The following TECTA variants were observed in gnomAD, a reference collection of about 807,000 sequenced individuals.
TECTA encodes the protein alpha-tectorin.
A neutral mutation model predicts 216.8 loss-of-function variants in TECTA; 128 were observed. The observed-to-expected ratio is 0.59, with a 90% CI of 0.51 to 0.68. The LOEUF (loss-of-function observed/expected upper bound fraction) is 0.68, where lower values mean the gene tolerates loss of function less well. Ranked by LOEUF, TECTA falls within the 30% of genes least tolerant of loss-of-function variation. The probability of loss-of-function intolerance (pLI) is 0.00; values close to 1 mark genes in which losing one functional copy is unlikely to be tolerated. For synonymous variants in TECTA, 1,089 were observed against 1,117.1 expected (o/e 0.97, Z 0.50); for missense variants, 2,551 against 2,786.2 (o/e 0.92, Z 1.90).
intron 15 of TECTA, among the ~76,000 whole-genome samples, chr11:121,160,896 A>G (rs1242442336): frequency 6.6e-6 from 1 of 152,176 alleles, no homozygotes; most frequent in Non-Finnish European, 1.5e-5. Flanking sequence ...GCCTTTTTTA[A>G]AAACAGAAGT....
chr11:121,162,593 G>A (rs990198526), intron 16 of TECTA, among the ~76,000 whole-genome samples: 19 of 152,222 alleles, frequency 1.2e-4, no homozygotes, highest in Non-Finnish European at 2.5e-4. Flanking sequence ...TATGGGATTT[G>A]GAAAACAAAC....
Position 121,105,976 on chromosome 11 carries a change from A to T in TECTA, c.198+12A>T. ...ACCGCACTGTCTATGTAAGTGGAGA[A>T]GCAGCCCATCTGTTGTTCTCTGGCC... On this transcript the variant is annotated intron_variant, in intron 3 of 23. Coordinates refer to ENST00000392793, the MANE Select transcript of TECTA (RefSeq NM_005422.4). This position sits in a 1 kb window ranked among gnomAD's most constrained non-coding sequence, Gnocchi z 5.3. The T allele has an allele frequency of 6.2e-7, 1 of 1,614,210 alleles. No individual in the cohort carries two copies. Among genetic ancestry groups the T allele is most frequent in the Non-Finnish European group, 8.5e-7 (1 of 1,180,024 alleles).
At chr11:121,176,113 C>G (rs1322143881) in intron 20 of TECTA, among the ~76,000 whole-genome samples, 1 of 151,740 alleles carries the variant, frequency 6.6e-6, no homozygotes, top group African/African-American at 2.4e-5. Flanking sequence ...CTGAATACAG[C>G]ACACTGATGG....
At chr11:121,188,322 C>A (rs1261163788) in intron 21 of TECTA, among the ~76,000 whole-genome samples, 3 of 152,196 alleles carry the variant, frequency 2.0e-5, no homozygotes, top group Non-Finnish European at 4.4e-5. Flanking sequence ...CTCACCTCTA[C>A]CCATGGATAC....
chr11:121,127,940 G>A lies in TECTA; in HGVS notation c.1963G>A (p.Asp655Asn), dbSNP rs956208439. The change falls in exon 9 of 24, where the codon GAC (aspartate) becomes AAC (asparagine). Residue 655 changes from aspartate to asparagine, a missense_variant. Transcript: ENST00000392793. The surrounding 1 kb of genome is among the most constrained non-coding windows in gnomAD (Gnocchi z 5.0). ...VPLHKCGCDF[D>N]GHYYTMGEFF... ...TCTGCACAAGTGCGGCTGCGACTTCGACGGCCACTACTACACCATGGGGGA... is the reference window on the plus strand; with the variant it reads ...TCTGCACAAGTGCGGCTGCGACTTCAACGGCCACTACTACACCATGGGGGA... 6.2e-7 allele frequency: 1 copy of A among 1,614,086 alleles called. No individual in the cohort carries two copies. Among genetic ancestry groups the A allele is most frequent in the Non-Finnish European group, 8.5e-7 (1 of 1,180,008 alleles).
In TECTA at chr11:121,137,611, A is replaced by G; in HGVS notation, c.3132A>G (p.Gln1044=). Residue 1044 remains glutamine, a synonymous_variant, in exon 11 of 24, where the codon CAA becomes CAG. Coordinates refer to ENST00000392793, the MANE Select transcript of TECTA (RefSeq NM_005422.4). ...GTGGCTGCAACTTTGAGGGGCACCAACTTGCCACCAATGAGACCTTCTGGG... is the reference window on the plus strand; with the variant it reads ...GTGGCTGCAACTTTGAGGGGCACCAGCTTGCCACCAATGAGACCTTCTGGG... ...SECGCNFEGH[Q]LATNETFWVD... The G allele has an allele frequency of 1.2e-6, 2 of 1,613,834 alleles. No homozygotes were observed. Among genetic ancestry groups the G allele is most frequent in the East Asian group, 2.2e-5 (1 of 44,814 alleles).
intron 7 of TECTA, among the ~76,000 whole-genome samples, chr11:121,119,020 C>T (rs972939117): frequency 3.3e-5 from 5 of 151,224 alleles, no homozygotes; most frequent in Admixed American, 1.3e-4. Flanking sequence ...CACACACACA[C>T]ACACACACAC....
chr11:121,174,150 T>A (rs1947140938), intron 20 of TECTA, among the ~76,000 whole-genome samples: 1 of 152,040 alleles, frequency 6.6e-6, no homozygotes, highest in African/African-American at 2.4e-5. Flanking sequence ...GGACAATTTG[T>A]CTTCCTCTTT....
At chr11:121,109,703 A>T in intron 4 of TECTA, 1 of 617,306 alleles carries the variant, frequency 1.6e-6, no homozygotes, top group Non-Finnish European at 2.8e-6. Flanking sequence ...ATTTCAGAAG[A>T]TATGTCACCC....
Position 121,157,965 on chromosome 11 carries a change from G to A in TECTA, c.4430G>A (p.Arg1477His), listed in dbSNP as rs527976707. ...GAGTGTGCGCTGCGCAACGGGGTGCGCGGCTGCTTCAGCACCAAGACCTCC... is the reference window on the plus strand; with the variant it reads ...GAGTGTGCGCTGCGCAACGGGGTGCACGGCTGCTTCAGCACCAAGACCTCC... ...DEECALRNGV[R>H]GCFSTKTSYC... The change falls in exon 14 of 24, where the codon CGC (arginine) becomes CAC (histidine). Residue 1477 changes from arginine (R) to histidine (H), a missense_variant. Transcript: ENST00000392793. 1.4e-5 allele frequency: 22 copies of A among 1,613,650 alleles called. No individual in the cohort carries two copies. Among genetic ancestry groups the A allele is most frequent in the South Asian group, 9.9e-5 (9 of 91,084 alleles).
In TECTA at chr11:121,105,768, A is replaced by C; in HGVS notation, c.65-63A>C. 1 of 1,607,862 alleles carries C rather than the reference A, an allele frequency of 6.2e-7. No individual in the cohort carries two copies. Among genetic ancestry groups the C allele is most frequent in the African/African-American group, 1.3e-5 (1 of 74,940 alleles). On this transcript the variant is annotated intron_variant, in intron 2 of 23. Transcript: ENST00000392793. This position sits in a 1 kb window ranked among gnomAD's most constrained non-coding sequence, Gnocchi z 5.3. Reference sequence around the variant, plus strand: ...AGAAGCTGGCTTCAGTAGGTAGGAGAGATGTAGATTGCCAAACGGCAGAGG... The same window carrying C: ...AGAAGCTGGCTTCAGTAGGTAGGAGCGATGTAGATTGCCAAACGGCAGAGG...
Position 121,168,984 on chromosome 11 carries a change from C to T in TECTA, c.5999+59C>T. On this transcript the variant is annotated intron_variant, in intron 20 of 23. Coordinates refer to ENST00000392793, the MANE Select transcript of TECTA (RefSeq NM_005422.4). ...GCTTCAGGTATAATATTGTCCTCAT[C>T]ATTTTTTAAGGAAGGGAATGGAAAC... is the stretch of plus-strand genomic sequence containing the variant. 4.3e-6 allele frequency: 7 copies of T among 1,612,480 alleles called. No homozygotes were observed. In the South Asian group the frequency reaches 7.7e-5, roughly 18 times the overall value.
rs984939127 is a variant in TECTA, at chr11:121,101,265, G to A, written c.-179G>A. The A allele has an allele frequency of 2.0e-5, 3 of 152,094 alleles. No homozygotes were observed. Among genetic ancestry groups the A allele is most frequent in the Non-Finnish European group, 4.4e-5 (3 of 68,028 alleles). The allele number at this position is 152,094 out of a possible 1,614,324, so 9.4% of individuals were successfully genotyped here. A position where few individuals can be genotyped will look rare whatever the true frequency, so the allele number is the denominator to read the frequency against. The stretch of plus-strand genomic sequence containing the variant: ...CAACACTTACCTGTCTCTAGTGCAG[G>A]ACTAACTTAATTTTTGGTTTTAAGA... On this transcript the variant is annotated 5_prime_UTR_variant, in exon 1 of 24. Coordinates refer to ENST00000392793, the MANE Select transcript of TECTA (RefSeq NM_005422.4).
Position 121,118,330 on chromosome 11 carries a change from T to G in TECTA, c.815T>G (p.Val272Gly). The change falls in exon 7 of 24, where the codon GTG becomes GGG. Residue 272 changes from valine to glycine, a missense_variant. By Grantham distance (109) the Val-to-Gly change is moderately radical. Transcript: ENST00000392793. ...GGACAATTCCTTCGGCGAGGGGAGG[T>G]GTTTTGGGATGACTTGAACTGCACC... ...SRGQFLRRGE[V>G]FWDDLNCTVK... is the part of the protein sequence containing the mutation. The G allele has an allele frequency of 6.2e-7, 1 of 1,613,556 alleles. No homozygotes were observed. The highest frequency in any genetic ancestry group is 1.1e-5 in the South Asian group (1 of 91,044).
In TECTA at chr11:121,177,678, G is replaced by A. The variant is rs530480824; in HGVS notation, c.5999+8753G>A. Among the ~76,000 whole-genome samples the A allele has an allele frequency of 2.1e-4, 32 of 152,348 alleles. 2 individuals are homozygous for A. In the South Asian group the frequency reaches 2.7e-3, roughly 13 times the overall value. On this transcript the variant is annotated intron_variant, in intron 20 of 23. Transcript: ENST00000392793. ...TGCCTGTTCTCAGATCTCCAGCTGC[G>A]TGCTGGGAGAACCACTGCTCCCTTC... is the stretch of plus-strand genomic sequence containing the variant.
chr11:121,145,663 G>T lies in TECTA; in HGVS notation c.3652G>T (p.Val1218Leu). ...VVETDFGLKV[V>L]YDWKTFLSIT... ...GGAAACTGATTTTGGCCTGAAGGTT[G>T]TATATGACTGGAAGACCTTCCTGTC... is the stretch of plus-strand genomic sequence containing the variant. Residue 1218 changes from valine to leucine, a missense_variant, in exon 12 of 24, where the codon GTA becomes TTA. By Grantham distance (32) the Val-to-Leu change is conservative. Coordinates refer to ENST00000392793, the MANE Select transcript of TECTA (RefSeq NM_005422.4). The T allele has an allele frequency of 1.9e-6, 3 of 1,614,218 alleles. No homozygotes were observed. The highest frequency in any genetic ancestry group is 1.3e-5 in the African/African-American group (1 of 75,044).
rs116062743 is a variant in TECTA at position 121,160,723 on chromosome 11, A to T, written c.4976+302A>T. ...ACTCTGAGGCCTTGACCAGCTGCCC[A>T]CATGGGACCTAGGCACCTCTGCTGG... is the stretch of plus-strand genomic sequence containing the variant. On this transcript the variant is annotated intron_variant, in intron 15 of 23. Coordinates refer to ENST00000392793, the MANE Select transcript of TECTA (RefSeq NM_005422.4). 7.5e-3 allele frequency among the ~76,000 whole-genome samples: 1,146 copies of T among 152,276 alleles called. 22 individuals are homozygous for T. The highest frequency in any genetic ancestry group is 0.025 in the African/African-American group (1,041 of 41,532).
intron 20 of TECTA, among the ~76,000 whole-genome samples, chr11:121,183,606 T>A (rs1191605085): frequency 6.6e-6 from 1 of 152,124 alleles, no homozygotes; most frequent in African/African-American, 2.4e-5. Context: ...CAGTGTTCTT[T>A]CTTTGATGCT....
Position 121,130,225 on chromosome 11 carries a change from G to A in TECTA, c.2941+14G>A. 1 of 1,599,264 alleles carries A rather than the reference G, an allele frequency of 6.3e-7. No individual in the cohort carries two copies. Among genetic ancestry groups the A allele is most frequent in the Non-Finnish European group, 8.5e-7 (1 of 1,179,718 alleles). ...ATGACTTCTGCCGTAAGTTGGGGTT[G>A]GATTCTGGGAGAGGCTTTCTAGCTG... On this transcript the variant is annotated intron_variant, in intron 10 of 23. Transcript: ENST00000392793.
Sources: allele counts gnomAD v4.1 joint callset (sites outside exome capture counted in the v4.1 genomes callset), GRCh38; gene constraint gnomAD v4.1.1; non-coding constraint Gnocchi (gnomAD v3.1); transcripts MANE v1.5; gene names NCBI Gene and HGNC (gene_info 2026-07-23, HGNC 2026-07-21).